BSN: variants seen among roughly 807,000 people sequenced by gnomAD.
The protein encoded by BSN is bassoon presynaptic cytomatrix protein.
A neutral mutation model predicts 264.8 loss-of-function variants in BSN; 57 were observed. The ratio of observed to expected loss-of-function variants is 0.22; its 90% CI spans 0.17 to 0.27. The LOEUF (loss-of-function observed/expected upper bound fraction) is 0.27, where lower values mean the gene tolerates loss of function less well. Ranked by LOEUF, BSN falls within the 10% of genes least tolerant of loss-of-function variation. The probability of loss-of-function intolerance (pLI) is 1.00; values close to 1 mark genes in which losing one functional copy is unlikely to be tolerated. For missense variants in BSN, 4,615 were observed against 5,232.5 expected (o/e 0.88, Z 3.64); for synonymous variants, 2,059 against 2,137.3 (o/e 0.96, Z 1.01).
At chr3:49,604,728 C>T (rs993637282) in intron 1 of BSN, among the ~76,000 whole-genome samples, 1 of 152,064 alleles carries the variant, frequency 6.6e-6, no homozygotes, top group Non-Finnish European at 1.5e-5. Flanking sequence ...GAGCACTGGA[C>T]AAGATGCTGA....
Position 49,670,413 on chromosome 3 carries a change from AAGCCC to A in BSN, c.*2929_*2933del, listed in dbSNP as rs2052746722. The A allele has an allele frequency of 6.6e-6, 1 of 152,302 alleles. No individual in the cohort carries two copies. Among genetic ancestry groups the A allele is most frequent in the African/African-American group, 2.4e-5 (1 of 41,458 alleles). 9.4% of individuals were successfully genotyped at this position (152,302 alleles called of 1,614,324 possible). On this transcript the variant is annotated 3_prime_UTR_variant, in exon 12 of 12. Coordinates refer to ENST00000296452, the MANE Select transcript of BSN (RefSeq NM_003458.4). ...TTTTCAGCAAATTTCCTTTCTGGCC[AAGCCC>A]TCTGAGTTTGAAATTCTGACATCTG...
intron 1 of BSN, among the ~76,000 whole-genome samples, chr3:49,586,376 A>G (rs939656906): frequency 7.0e-6 from 1 of 143,854 alleles, no homozygotes; most frequent in Non-Finnish European, 1.5e-5. Flanking sequence ...TTATCTATTT[A>G]CTTATTTATT....
intron 1 of BSN, among the ~76,000 whole-genome samples, chr3:49,567,453 A>G (rs1001951964): frequency 3.9e-5 from 6 of 152,230 alleles, no homozygotes; most frequent in Non-Finnish European, 7.3e-5. Context: ...TGCTGGCTAG[A>G]ATTCACTGAT....
intron 1 of BSN, among the ~76,000 whole-genome samples, chr3:49,591,796 C>A (rs562782078): frequency 2.0e-4 from 31 of 152,134 alleles, no homozygotes; most frequent in Non-Finnish European, 4.4e-4. Flanking sequence ...GGCATGTTGC[C>A]CAGGCTGGTC....
Position 49,653,674 on chromosome 3 carries a change from C to G in BSN, c.4118C>G (p.Pro1373Arg), listed in dbSNP as rs766078777. ...PSSASKEIGM[P>R]FSQGPGTPAT... ...TCAGCCTCCAAGGAGATAGGCATGCCCTTTTCCCAGGGCCCTGGGACCCCA... is the reference window on the plus strand; with the variant it reads ...TCAGCCTCCAAGGAGATAGGCATGCGCTTTTCCCAGGGCCCTGGGACCCCA... The change falls in exon 5 of 12, where the codon CCC (proline) becomes CGC (arginine). Residue 1373 changes from proline (P) to arginine (R), a missense_variant. This residue lies in a region of BSN where 3,415 missense variants were observed against 3,866.4 expected (regional missense o/e 0.88). Transcript: ENST00000296452. This position sits in a 1 kb window ranked among gnomAD's most constrained non-coding sequence, Gnocchi z 6.3. 1 of 1,613,796 alleles carries G rather than the reference C, an allele frequency of 6.2e-7. No individual in the cohort carries two copies. Among genetic ancestry groups the G allele is most frequent in the Non-Finnish European group, 8.5e-7 (1 of 1,179,924 alleles).
chr3:49,648,292 C>A (rs1394169089), intron 3 of BSN, among the ~76,000 whole-genome samples: 3 of 152,218 alleles, frequency 2.0e-5, no homozygotes, highest in East Asian at 1.9e-4. Flanking sequence ...TGGGCCAGGG[C>A]AGATATCCAA....
chr3:49,642,767 C>T lies in BSN; in HGVS notation c.1133C>T (p.Ala378Val). ...QPEADTQGQP[A>V]PSKGTPKIVF... ...GAGGCTGACACCCAGGGCCAGCCTGCCCCCAGCAAGGGGACACCTAAGATC... is the reference window on the plus strand; with the variant it reads ...GAGGCTGACACCCAGGGCCAGCCTGTCCCCAGCAAGGGGACACCTAAGATC... The change falls in exon 3 of 12, where the codon GCC becomes GTC. Residue 378 changes from alanine (A) to valine (V), a missense_variant. By Grantham distance (64) the Ala-to-Val change is moderately conservative. Around this residue, in one of 3 missense-constraint regions of BSN, gnomAD observed 1,197 missense variants for 1,348.0 expected, o/e 0.89. Coordinates refer to ENST00000296452, the MANE Select transcript of BSN (RefSeq NM_003458.4). This position sits in a 1 kb window ranked among gnomAD's most constrained non-coding sequence, Gnocchi z 7.0. The T allele has an allele frequency of 1.2e-6, 2 of 1,613,462 alleles. No homozygotes were observed. Among genetic ancestry groups the T allele is most frequent in the Admixed American group, 1.7e-5 (1 of 60,030 alleles).
chr3:49,608,234 C>T (rs2052174392), intron 1 of BSN, among the ~76,000 whole-genome samples: 1 of 152,180 alleles, frequency 6.6e-6, no homozygotes, highest in Non-Finnish European at 1.5e-5. Flanking sequence ...GAGTTAGACC[C>T]TTCAGAAGTG....
chr3:49,639,092 C>G (rs2052441163), intron 2 of BSN, among the ~76,000 whole-genome samples: 1 of 152,180 alleles, frequency 6.6e-6, no homozygotes, highest in African/African-American at 2.4e-5. Flanking sequence ...CCAAGAATGA[C>G]CTTTCTAAAG....
intron 1 of BSN, among the ~76,000 whole-genome samples, chr3:49,557,439 G>C (rs1276187352): frequency 1.3e-5 from 2 of 152,098 alleles, no homozygotes; most frequent in Admixed American, 6.5e-5. Context: ...ACATACACTC[G>C]TGACACACTA....
chr3:49,638,673 C>T lies in BSN; in HGVS notation c.634-3595C>T, dbSNP rs2052437983. Reference sequence around the variant, plus strand: ...GTTTCAGCCTTTTCTTGGAGAAGTTCTATTTTAGGTGAGATGCCTGTGCCA... The same window carrying T: ...GTTTCAGCCTTTTCTTGGAGAAGTTTTATTTTAGGTGAGATGCCTGTGCCA... On this transcript the variant is annotated intron_variant, in intron 2 of 11. Transcript: ENST00000296452. The surrounding 1 kb of genome is among the most constrained non-coding windows in gnomAD (Gnocchi z 4.3). Among the ~76,000 whole-genome samples, 2 of 152,166 alleles carry T rather than the reference C, an allele frequency of 1.3e-5. No homozygotes were observed.
Position 49,554,503 on chromosome 3 carries a change from G to T in BSN, c.-100G>T. The T allele has an allele frequency of 3.2e-6, 1 of 314,238 alleles. No homozygotes were observed. The highest frequency in any genetic ancestry group is 1.2e-4 in the South Asian group (1 of 8,408). 19.5% of individuals were successfully genotyped at this position (314,238 alleles called of 1,614,324 possible). On this transcript the variant is annotated 5_prime_UTR_variant, in exon 1 of 12. Coordinates refer to ENST00000296452, the MANE Select transcript of BSN (RefSeq NM_003458.4). ...GGCGGCGGCGCGAGCCGAGCTGGGA[G>T]ATGGCGGCGGCAGCGGCGGCGCCGA...
intron 1 of BSN, among the ~76,000 whole-genome samples, chr3:49,616,706 T>C (rs2052261923): frequency 6.6e-6 from 1 of 152,188 alleles, no homozygotes; most frequent in Admixed American, 6.5e-5. Flanking sequence ...AGGCCCTCCT[T>C]CCCACTGTGC....
intron 1 of BSN, among the ~76,000 whole-genome samples, chr3:49,575,668 A>G (rs1449609496): frequency 1.4e-5 from 2 of 148,094 alleles, no homozygotes; most frequent in Admixed American, 1.4e-4. Context: ...GTATATATAT[A>G]TATATATATA....
At chr3:49,577,174 G>A (rs184661850) in intron 1 of BSN, among the ~76,000 whole-genome samples, 127 of 152,288 alleles carry the variant, frequency 8.3e-4, no homozygotes, top group Non-Finnish European at 1.5e-3. Flanking sequence ...TCCTGCTCCC[G>A]AATTTCTTCG....
At position 49,554,772 on chromosome 3, in the gene BSN, T is replaced by G; in HGVS notation, c.170T>G (p.Val57Gly). 6 of 1,209,648 alleles carry G rather than the reference T, an allele frequency of 5.0e-6. No individual in the cohort carries two copies. Among genetic ancestry groups the G allele is most frequent in the East Asian group, 3.4e-5 (1 of 29,574 alleles). The allele number at this position is 1,209,648 out of a possible 1,614,324, so 74.9% of individuals were successfully genotyped here. A position where few individuals can be genotyped will look rare whatever the true frequency, so the allele number is the denominator to read the frequency against. Residue 57 changes from valine to glycine, a missense_variant, in exon 1 of 12, where the codon GTA becomes GGA. Transcript: ENST00000296452. ...PAAGAARSTA[V>G]PPVPGPGPGP... ...GCGGGAGCAGCGCGGTCGACCGCGG[T>G]ACCACCGGTCCCTGGCCCCGGCCCC...
At position 49,654,915 on chromosome 3, in the gene BSN, C is replaced by G; in HGVS notation, c.5359C>G (p.Arg1787Gly). ...VEQAVQTAPY[R>G]SGPRGRPREA... ...GCAGGCTGTCCAGACAGCCCCATAC[C>G]GAAGTGGGCCCCGGGGAAGACCCAG... The change falls in exon 5 of 12, where the codon CGA becomes GGA. Residue 1787 changes from arginine (R) to glycine (G), a missense_variant. Arg to Gly is a moderately radical substitution (Grantham distance 125, BLOSUM62 -2). Transcript: ENST00000296452. This position sits in a 1 kb window ranked among gnomAD's most constrained non-coding sequence, Gnocchi z 4.1. The G allele has an allele frequency of 6.2e-7, 1 of 1,612,120 alleles. No individual in the cohort carries two copies. Among genetic ancestry groups the G allele is most frequent in the Non-Finnish European group, 8.5e-7 (1 of 1,178,998 alleles).
intron 1 of BSN, among the ~76,000 whole-genome samples, chr3:49,586,815 C>G (rs1344785073): frequency 6.6e-6 from 1 of 152,128 alleles, no homozygotes; most frequent in Non-Finnish European, 1.5e-5. Flanking sequence ...TACTATAGCT[C>G]TGTAGTCTAA....
chr3:49,601,729 C>T (rs966327956), intron 1 of BSN, among the ~76,000 whole-genome samples: 1 of 152,192 alleles, frequency 6.6e-6, no homozygotes, highest in Non-Finnish European at 1.5e-5. Context: ...GACACCAGAA[C>T]AGTTTTCCAG....
Sources: allele counts gnomAD v4.1 joint callset (sites outside exome capture counted in the v4.1 genomes callset), GRCh38; gene constraint gnomAD v4.1.1; regional missense constraint gnomAD v4.1.1; non-coding constraint Gnocchi (gnomAD v3.1); transcripts MANE v1.5; gene names NCBI Gene and HGNC (gene_info 2026-07-23, HGNC 2026-07-21).